The following RHOT1 variants were observed in gnomAD, a reference collection of about 807,000 sequenced individuals.
RHOT1 encodes mitochondrial Rho GTPase 1.
RHOT1 carries 27 observed loss-of-function variants against 95.3 expected under a neutral mutation model. That is an observed-to-expected ratio of 0.28 (90% confidence interval 0.21 to 0.39). RHOT1 has a LOEUF of 0.39. Ranked by LOEUF, RHOT1 falls within the 10% of genes least tolerant of loss-of-function variation. RHOT1 has a pLI of 1.00. For synonymous variants in RHOT1, 227 were observed against 263.5 expected, an observed-to-expected ratio of 0.86 and a Z score of 1.34; for missense variants, 578 against 786.7, an observed-to-expected ratio of 0.73 and a Z score of 3.17.
At chr17:32,184,297 G>C (rs2035865509) in intron 8 of RHOT1, among the ~76,000 whole-genome samples, 1 of 152,010 alleles carries the variant, frequency 6.6e-6, no homozygotes, top group Non-Finnish European at 1.5e-5. Flanking sequence ...CTGTGGATTT[G>C]CCTCTTCTGG....
At chr17:32,174,648 A>G (rs923014134) in intron 3 of RHOT1, among the ~76,000 whole-genome samples, 2 of 152,266 alleles carry the variant, frequency 1.3e-5, no homozygotes, top group African/African-American at 4.8e-5. Context: ...ATATTAGTTT[A>G]TATGTCAGAA....
intron 19 of RHOT1, among the ~76,000 whole-genome samples, chr17:32,212,587 G>A (rs936254687): frequency 3.9e-5 from 6 of 152,200 alleles, no homozygotes; most frequent in African/African-American, 1.4e-4. Flanking sequence ...CTGTTAGAAT[G>A]CCTTCCTGCA....
chr17:32,216,849 T>C (rs2038509257), intron 19 of RHOT1, among the ~76,000 whole-genome samples: 1 of 152,204 alleles, frequency 6.6e-6, no homozygotes, highest in South Asian at 2.1e-4. Context: ...GATATTACGT[T>C]ATAGTAAAAT....
chr17:32,149,635 A>ATATATATATATGTGTGTG (rs1445281403), intron 1 of RHOT1, among the ~76,000 whole-genome samples: 6 of 59,096 alleles, frequency 1.0e-4, no homozygotes, highest in Non-Finnish European at 1.7e-4. Context: ...ATATATATAT[A>ATATATATATATGTGTGTG]TGTGTGTGTG....
intron 1 of RHOT1, among the ~76,000 whole-genome samples, chr17:32,150,044 C>T (rs1157957443): frequency 2.0e-5 from 3 of 152,084 alleles, no homozygotes; most frequent in Non-Finnish European, 2.9e-5. Flanking sequence ...AGCCACTGCC[C>T]CTGGCCAAAA....
intron 1 of RHOT1, among the ~76,000 whole-genome samples, chr17:32,162,867 T>C (rs2033691445): frequency 6.6e-6 from 1 of 152,204 alleles, no homozygotes; most frequent in African/African-American, 2.4e-5. Context: ...AGGTAGAATT[T>C]GAACCATCCT....
intron 8 of RHOT1, among the ~76,000 whole-genome samples, chr17:32,184,481 T>G (rs1278577585): frequency 6.6e-6 from 1 of 152,008 alleles, no homozygotes; most frequent in African/African-American, 2.4e-5. Context: ...GTTTTATTTT[T>G]TTTATTTTTT....
intron 6 of RHOT1, among the ~76,000 whole-genome samples, chr17:32,178,026 T>A (rs565101439): frequency 6.6e-6 from 1 of 151,868 alleles, no homozygotes; most frequent in South Asian, 2.1e-4. Flanking sequence ...GGTTTCACCA[T>A]GTTGGCTAGG....
intron 19 of RHOT1, among the ~76,000 whole-genome samples, chr17:32,213,900 T>C (rs1050690907): frequency 9.2e-5 from 14 of 152,178 alleles, no homozygotes; most frequent in African/African-American, 3.1e-4. Context: ...AATTATACAA[T>C]GGCCCTCAAA....
rs1456358911 is a variant in RHOT1, at chr17:32,211,200, A to G, written c.1824A>G (p.Gln608=). The change falls in exon 19 of 20, where the codon CAA becomes CAG. Residue 608 remains glutamine (Q), a synonymous_variant. Transcript: ENST00000545287. ...ACTTCCTCAACTCAGACTTGCTGCA[A>G]TCTGTAAAGAACAAAATCTTCACTG... ...CQNFLNSDLL[Q]SVKNKIFTAV... The G allele has an allele frequency of 9.9e-6, 16 of 1,612,640 alleles. No individual in the cohort carries two copies. Among genetic ancestry groups the G allele is most frequent in the Non-Finnish European group, 1.4e-5 (16 of 1,178,890 alleles).
intron 10 of RHOT1, 117 bp from the exon 11 acceptor site, chr17:32,193,870 G>A: frequency 7.7e-7 from 1 of 1,296,382 alleles, no homozygotes; most frequent in East Asian, 2.4e-5. Context: ...TTTGTTTTGA[G>A]CTTTACAATG....
intron 1 of RHOT1, among the ~76,000 whole-genome samples, chr17:32,164,843 G>A (rs555490237): frequency 2.0e-5 from 3 of 151,814 alleles, no homozygotes; most frequent in Non-Finnish European, 4.4e-5. Flanking sequence ...TTCAGCCTGG[G>A]TGACAGAGTG....
In RHOT1 at chr17:32,208,095, T is replaced by G; in HGVS notation, c.1537-12T>G. 3.7e-6 allele frequency: 6 copies of G among 1,610,286 alleles called. No homozygotes were observed. The highest frequency in any genetic ancestry group is 5.1e-6 in the Non-Finnish European group (6 of 1,176,864). On this transcript the variant is annotated splice_polypyrimidine_tract_variant and intron_variant, in intron 17 of 19. Coordinates refer to ENST00000545287, the MANE Select transcript of RHOT1 (RefSeq NM_001033566.3). ...TTGTTATCAGATTTTGATTTCATTT[T>G]TTATTCCATAGCAACACTTTATGGA... is the stretch of plus-strand genomic sequence containing the variant.
intron 1 of RHOT1, among the ~76,000 whole-genome samples, chr17:32,155,969 T>G (rs529251086): frequency 6.6e-6 from 1 of 152,362 alleles, no homozygotes; most frequent in South Asian, 2.1e-4. Flanking sequence ...GATGTACTAC[T>G]ATGAATGTTG....
chr17:32,204,467 T>C (rs2037553055), intron 16 of RHOT1, among the ~76,000 whole-genome samples: 1 of 150,058 alleles, frequency 6.7e-6, no homozygotes, highest in South Asian at 2.1e-4. Context: ...AGAGAATCGC[T>C]TGAACCCAGG....
At chr17:32,219,973 AT>A (rs1331792053) in intron 19 of RHOT1, among the ~76,000 whole-genome samples, 1 of 152,228 alleles carries the variant, frequency 6.6e-6, no homozygotes, top group African/African-American at 2.4e-5. Context: ...ACACGTACAC[AT>A]TTTTGACCTT....
chr17:32,208,400 G>C, intron 18 of RHOT1, 91 bp downstream of exon 18: 1 of 1,248,854 alleles, frequency 8.0e-7, no homozygotes, highest in Admixed American at 1.7e-5. Flanking sequence ...TGTCACATAG[G>C]AATTGTTCAG....
chr17:32,209,211 C>A, intron 18 of RHOT1: 2 of 429,844 alleles, frequency 4.7e-6, no homozygotes, highest in South Asian at 1.1e-4. Flanking sequence ...ATTTTATTAC[C>A]TAATACTTTT....
At chr17:32,213,403 G>C (rs1236118857) in intron 19 of RHOT1, among the ~76,000 whole-genome samples, 1 of 152,162 alleles carries the variant, frequency 6.6e-6, no homozygotes, top group African/African-American at 2.4e-5. Context: ...GAGAGAGAGA[G>C]AGTGCTAAAC....
Sources: gnomAD v4.1 joint callset for allele counts (sites outside exome capture counted in the v4.1 genomes callset) on GRCh38, gnomAD v4.1.1 for gene constraint, MANE v1.5 for transcripts, NCBI Gene and HGNC (gene_info 2026-07-23, HGNC 2026-07-21) for gene names.